Variants in SMAD2 observed in about 807,000 individuals in gnomAD.
The protein encoded by SMAD2 is SMAD family member 2, also known as MAD homolog 2.
Under a neutral mutation model 64.4 loss-of-function variants are expected in SMAD2, and 8 were observed. That is an observed-to-expected ratio of 0.12 (90% confidence interval 0.07 to 0.22). The LOEUF (loss-of-function observed/expected upper bound fraction) is 0.22. Among genes scored for constraint, SMAD2 ranks in the 10% least tolerant of loss-of-function variants. The pLI is 1.00. For missense variants in SMAD2, 289 were observed against 561.2 expected (o/e 0.51, Z 4.90); for synonymous variants, 203 against 195.8 (o/e 1.04, Z -0.31).
chr18:47,869,652 C>A (rs1411035668), intron 3 of SMAD2, among the ~76,000 whole-genome samples: 1 of 152,028 alleles, frequency 6.6e-6, no homozygotes, highest in Non-Finnish European at 1.5e-5. Flanking sequence ...AAATATGTCA[C>A]ATAAATGACT....
chr18:47,852,628 A>G (rs995508739), intron 6 of SMAD2, among the ~76,000 whole-genome samples: 1 of 152,184 alleles, frequency 6.6e-6, no homozygotes, highest in Non-Finnish European at 1.5e-5. Flanking sequence ...CTGTGAAATT[A>G]TAGTTAGTAA....
Position 47,850,305 on chromosome 18 carries a change from ATG to A in SMAD2, c.784+967_784+968del, listed in dbSNP as rs1262086348. Among the ~76,000 whole-genome samples the A allele has an allele frequency of 3.2e-3, 127 of 39,280 alleles. 1 individual carries two copies. The highest frequency in any genetic ancestry group is 5.1e-3 in the African/African-American group (48 of 9,358). The allele number at this position is 39,280 out of a possible 152,430, so 25.8% of individuals were successfully genotyped here. On this transcript the variant is annotated intron_variant, in intron 7 of 10. Transcript: ENST00000262160. ...ATATATATTATGTATAATATATATT[ATG>A]TATGTTATATACATATTATGTATAA...
At position 47,823,253 on chromosome 18, in the gene SMAD2, G is replaced by A. The variant is rs1164674767; in HGVS notation, c.*18574C>T. 1 of 152,140 alleles carries A rather than the reference G, an allele frequency of 6.6e-6. No homozygotes were observed. Among genetic ancestry groups the A allele is most frequent in the African/African-American group, 2.4e-5 (1 of 41,434 alleles). The allele number at this position is 152,140 out of a possible 1,614,324, so 9.4% of individuals were successfully genotyped here. ...CCTTGACTTAGCTTCTTAGCCTCAA[G>A]GAGGTTTTTAAATCTGAGATTACTG... is the stretch of plus-strand genomic sequence containing the variant. On this transcript the variant is annotated 3_prime_UTR_variant, in exon 11 of 11. Coordinates refer to ENST00000262160, the MANE Select transcript of SMAD2 (RefSeq NM_005901.6).
intron 1 of SMAD2, among the ~76,000 whole-genome samples, chr18:47,918,163 G>A (rs1171261068): frequency 2.0e-5 from 3 of 152,316 alleles, no homozygotes; most frequent in African/African-American, 7.2e-5. Flanking sequence ...ACTGTCTCTG[G>A]ATAACTAATC....
At chr18:47,846,457 TAATC>T (rs1237979901) in intron 8 of SMAD2, among the ~76,000 whole-genome samples, 1 of 152,192 alleles carries the variant, frequency 6.6e-6, no homozygotes, top group Non-Finnish European at 1.5e-5. Context: ...CATTCTCTGT[TAATC>T]AAACACTAGG....
At chr18:47,893,238 T>C (rs1045945430) in intron 2 of SMAD2, among the ~76,000 whole-genome samples, 5 of 152,192 alleles carry the variant, frequency 3.3e-5, no homozygotes, top group African/African-American at 4.8e-5. Flanking sequence ...GACGTATCTA[T>C]AACTACAGCT....
intron 6 of SMAD2, among the ~76,000 whole-genome samples, chr18:47,854,730 G>T (rs184850868): frequency 3.3e-5 from 5 of 151,830 alleles, no homozygotes; most frequent in Non-Finnish European, 7.4e-5. Flanking sequence ...GTAGTTTCAA[G>T]ATCACAGCAA....
intron 6 of SMAD2, among the ~76,000 whole-genome samples, chr18:47,858,041 T>C (rs954158709): frequency 5.3e-5 from 8 of 152,032 alleles, no homozygotes; most frequent in African/African-American, 1.2e-4. Context: ...ACTTGGCAAA[T>C]AGAGAAAAGA....
At position 47,814,155 on chromosome 18, in the gene SMAD2, T is replaced by C. The variant is rs536855538; in HGVS notation, c.*27672A>G. Reference sequence around the variant, plus strand: ...CTATTGGGTCAAGACTTTGACAATATTAAAGATTCCATTTTCTTCATATAT... The same window carrying C: ...CTATTGGGTCAAGACTTTGACAATACTAAAGATTCCATTTTCTTCATATAT... On this transcript the variant is annotated 3_prime_UTR_variant, in exon 11 of 11. Coordinates refer to ENST00000262160, the MANE Select transcript of SMAD2 (RefSeq NM_005901.6). The C allele has an allele frequency of 2.0e-5, 3 of 152,282 alleles. No individual in the cohort carries two copies. Among genetic ancestry groups the C allele is most frequent in the African/African-American group, 7.2e-5 (3 of 41,552 alleles). 9.4% of individuals were successfully genotyped at this position (152,282 alleles called of 1,614,324 possible). A position where few individuals can be genotyped will look rare whatever the true frequency, so the allele number is the denominator to read the frequency against.
At chr18:47,908,235 G>A (rs2033982604) in intron 1 of SMAD2, among the ~76,000 whole-genome samples, 1 of 152,084 alleles carries the variant, frequency 6.6e-6, no homozygotes, top group Non-Finnish European at 1.5e-5. Flanking sequence ...AGGGTGGAAG[G>A]GGTATTGTTT....
Position 47,835,874 on chromosome 18 carries a change from CTGTT to C in SMAD2, c.*5949_*5952del, listed in dbSNP as rs1444206077. The C allele has an allele frequency of 2.5e-5, 5 of 203,038 alleles. No individual in the cohort carries two copies. The highest frequency in any genetic ancestry group is 1.1e-4 in the African/African-American group (5 of 43,640). The allele number at this position is 203,038 out of a possible 1,614,324, so 12.6% of individuals were successfully genotyped here. On this transcript the variant is annotated 3_prime_UTR_variant, in exon 11 of 11. Coordinates refer to ENST00000262160, the MANE Select transcript of SMAD2 (RefSeq NM_005901.6). The stretch of plus-strand genomic sequence containing the variant: ...ATTTGGAGAAACTAAGAGCTGTTAA[CTGTT>C]TGGAGGGTAAAAGAATACTTTTCTC...
Position 47,831,429 on chromosome 18 carries a change from T to G in SMAD2, c.*10398A>C, listed in dbSNP as rs1032920966. 1 of 152,380 alleles carries G rather than the reference T, an allele frequency of 6.6e-6. No homozygotes were observed. The highest frequency in any genetic ancestry group is 2.1e-4 in the South Asian group (1 of 4,832). 9.4% of individuals were successfully genotyped at this position (152,380 alleles called of 1,614,324 possible). A position where few individuals can be genotyped will look rare whatever the true frequency, so the allele number is the denominator to read the frequency against. ...TGTTCAGAAGTTAACTTCTTTTTCCTGTCATCACATCTCTTTCCTAAACTA... is the reference window on the plus strand; with the variant it reads ...TGTTCAGAAGTTAACTTCTTTTTCCGGTCATCACATCTCTTTCCTAAACTA... On this transcript the variant is annotated 3_prime_UTR_variant, in exon 11 of 11. Coordinates refer to ENST00000262160, the MANE Select transcript of SMAD2 (RefSeq NM_005901.6).
intron 6 of SMAD2, among the ~76,000 whole-genome samples, chr18:47,855,630 TTC>T (rs745606968): frequency 6.8e-4 from 104 of 152,188 alleles, no homozygotes; most frequent in Non-Finnish European, 1.2e-3. Context: ...GGGTACTTTT[TTC>T]TTTTTTTCAG....
intron 1 of SMAD2, among the ~76,000 whole-genome samples, chr18:47,901,480 C>G (rs975815286): frequency 1.3e-5 from 2 of 152,086 alleles, no homozygotes; most frequent in African/African-American, 4.8e-5. Context: ...AACATAATTA[C>G]TAATTTAGTT....
In SMAD2 at chr18:47,818,104, C is replaced by T. The variant is rs1251553081; in HGVS notation, c.*23723G>A. On this transcript the variant is annotated 3_prime_UTR_variant, in exon 11 of 11. Coordinates refer to ENST00000262160, the MANE Select transcript of SMAD2 (RefSeq NM_005901.6). ...CTTTTTTATTCTTAGTACCAAGAGA[C>T]TGCAGCTATAGAGTTGATATGTAGA... 6.6e-6 allele frequency: 1 copy of T among 152,178 alleles called. No homozygotes were observed. The highest frequency in any genetic ancestry group is 1.5e-5 in the Non-Finnish European group (1 of 68,050). 9.4% of individuals were successfully genotyped at this position (152,178 alleles called of 1,614,324 possible). A position where few individuals can be genotyped will look rare whatever the true frequency, so the allele number is the denominator to read the frequency against.
Position 47,826,972 on chromosome 18 carries a change from G to A in SMAD2, c.*14855C>T, listed in dbSNP as rs1912775988. On this transcript the variant is annotated 3_prime_UTR_variant, in exon 11 of 11. Transcript: ENST00000262160. Reference sequence around the variant, plus strand: ...AACTGGAGGAAATGAAGAACTTTAAGGTAGACTGATGAAAAGATTTATCTA... The same window carrying A: ...AACTGGAGGAAATGAAGAACTTTAAAGTAGACTGATGAAAAGATTTATCTA... The A allele has an allele frequency of 6.6e-6, 1 of 152,096 alleles. No homozygotes were observed. Among genetic ancestry groups the A allele is most frequent in the East Asian group, 1.9e-4 (1 of 5,190 alleles). The allele number at this position is 152,096 out of a possible 1,614,324, so 9.4% of individuals were successfully genotyped here.
chr18:47,860,553 G>A (rs1184549263), intron 6 of SMAD2, among the ~76,000 whole-genome samples: 1 of 152,012 alleles, frequency 6.6e-6, no homozygotes, highest in Non-Finnish European at 1.5e-5. Context: ...AAAATGCTAG[G>A]ATTACAGGCA....
chr18:47,883,118 T>C (rs964207682), intron 2 of SMAD2, among the ~76,000 whole-genome samples: 2 of 152,218 alleles, frequency 1.3e-5, no homozygotes, highest in Non-Finnish European at 2.9e-5. Flanking sequence ...TTTTATCTTT[T>C]TAGGTAACTT....
chr18:47,912,709 G>A (rs2034184584), intron 1 of SMAD2, among the ~76,000 whole-genome samples: 2 of 152,034 alleles, frequency 1.3e-5, no homozygotes, highest in Admixed American at 6.6e-5. Context: ...GAGTTAGCAT[G>A]AGTAATCTCT....
Sources: gnomAD v4.1 joint callset for allele counts (sites outside exome capture counted in the v4.1 genomes callset) on GRCh38, gnomAD v4.1.1 for gene constraint, MANE v1.5 for transcripts, NCBI Gene and HGNC (gene_info 2026-07-23, HGNC 2026-07-21) for gene names.